ZNF732: variants seen among roughly 807,000 people sequenced by gnomAD.
ZNF732 encodes zinc finger protein 732.
ZNF732 carries 12 observed loss-of-function variants against 11.5 expected under a neutral mutation model. The ratio of observed to expected loss-of-function variants is 1.05; its 90% CI spans 0.67 to 1.70. The LOEUF (loss-of-function observed/expected upper bound fraction) is 1.70. Ranked by LOEUF, ZNF732 falls within the 40% of genes most tolerant of loss-of-function variation. The pLI, the probability that ZNF732 is intolerant of heterozygous loss-of-function variation, is 0.00. For missense variants in ZNF732, 702 were observed against 676.9 expected (o/e 1.04, Z -0.41); for synonymous variants, 231 against 236.5 (o/e 0.98, Z 0.21).
rs547227019 is a variant in ZNF732 at position 299,521 on chromosome 4, A to G, written c.4-3366T>C. ...TATATATACACACATATACGTATAT[A>G]TGTGTATATATACATATATACACAT... is the stretch of plus-strand genomic sequence containing the variant. On this transcript the variant is annotated intron_variant, in intron 1 of 3. Coordinates refer to ENST00000419098, the MANE Select transcript of ZNF732 (RefSeq NM_001137608.3). 1.4e-3 allele frequency among the ~76,000 whole-genome samples: 178 copies of G among 130,728 alleles called. 11 individuals are homozygous for G. The highest frequency in any genetic ancestry group is 4.4e-3 in the African/African-American group (148 of 33,402). The allele number at this position is 130,728 out of a possible 152,430, so 85.8% of individuals were successfully genotyped here.
chr4:295,402 T>G, intron 3 of ZNF732, 36 bp downstream of exon 3: 1 of 1,551,438 alleles, frequency 6.4e-7, no homozygotes, highest in Non-Finnish European at 8.8e-7. Flanking sequence ...CTTGGTCCCC[T>G]GGCCTGTGTC....
rs1229767960 is a variant in ZNF732, at chr4:292,749, T to TA, written c.226+2688dup. On this transcript the variant is annotated intron_variant, in intron 3 of 3. Coordinates refer to ENST00000419098, the MANE Select transcript of ZNF732 (RefSeq NM_001137608.3). ...GAGATGTAAATTGATAAAGTCATCA[T>TA]AAAAAACAATAAAAAGGCCGGGCGC... 3.4e-4 allele frequency among the ~76,000 whole-genome samples: 52 copies of TA among 150,898 alleles called. 1 individual carries two copies. Among genetic ancestry groups the TA allele is most frequent in the Non-Finnish European group, 3.0e-5 (2 of 67,776 alleles).
At chr4:298,987 C>G (rs1720021934) in intron 1 of ZNF732, among the ~76,000 whole-genome samples, 1 of 152,046 alleles carries the variant, frequency 6.6e-6, no homozygotes, top group Non-Finnish European at 1.5e-5. Context: ...TCAAAGAGCT[C>G]CACCTATGTT....
In ZNF732 at chr4:270,742, G is replaced by C; in HGVS notation, c.*357C>G. On this transcript the variant is annotated 3_prime_UTR_variant, in exon 4 of 4. Coordinates refer to ENST00000419098, the MANE Select transcript of ZNF732 (RefSeq NM_001137608.3). ...ATTTATGGGTGAGGACCGTTTATAG[G>C]CTTTCCCACATTCTTTACATTTGTA... 4 of 452,044 alleles carry C rather than the reference G, an allele frequency of 8.8e-6. 1 individual carries two copies. The highest frequency in any genetic ancestry group is 8.4e-5 in the South Asian group (4 of 47,456). The allele number at this position is 452,044 out of a possible 1,614,324, so 28.0% of individuals were successfully genotyped here. A position where few individuals can be genotyped will look rare whatever the true frequency, so the allele number is the denominator to read the frequency against.
chr4:304,114 G>A (rs1184409617), intron 1 of ZNF732, among the ~76,000 whole-genome samples: 2 of 152,110 alleles, frequency 1.3e-5, no homozygotes, highest in East Asian at 1.9e-4. Context: ...GTGTGTTATT[G>A]GCAGAATACC....
At chr4:273,522 G>A (rs1003389221) in intron 3 of ZNF732, among the ~76,000 whole-genome samples, 11 of 151,390 alleles carry the variant, frequency 7.3e-5, no homozygotes, top group African/African-American at 7.3e-5. Flanking sequence ...ATGGAAACAC[G>A]TACAACTAAA....
At chr4:299,693 AC>A (rs1241212403) in intron 1 of ZNF732, among the ~76,000 whole-genome samples, 1 of 139,502 alleles carries the variant, frequency 7.2e-6, no homozygotes, top group African/African-American at 2.6e-5. Context: ...AAATATATAT[AC>A]TTTTTTTTTT....
intron 1 of ZNF732, among the ~76,000 whole-genome samples, chr4:299,437 A>ATATATATACACATATATACACATGTG (rs1720046169): frequency 2.5e-4 from 3 of 11,914 alleles, no homozygotes; most frequent in Non-Finnish European, 4.1e-4. Context: ...ACATATGTGT[A>ATATATATACACATATATACACATGTG]TATATATATA....
chr4:299,274 A>T, intron 1 of ZNF732, among the ~76,000 whole-genome samples: 1 of 151,254 alleles, frequency 6.6e-6, no homozygotes, highest in Non-Finnish European at 1.5e-5. Flanking sequence ...ATTTGGGCCA[A>T]AACTTGAAGA....
At chr4:299,852 A>C in intron 1 of ZNF732, among the ~76,000 whole-genome samples, 1 of 142,488 alleles carries the variant, frequency 7.0e-6, no homozygotes, top group South Asian at 2.3e-4. Context: ...ATGCGCCACC[A>C]TGCCGGCTAA....
At chr4:281,937 CAT>C (rs1218736781) in intron 3 of ZNF732, among the ~76,000 whole-genome samples, 3 of 152,068 alleles carry the variant, frequency 2.0e-5, no homozygotes, top group Non-Finnish European at 4.4e-5. Flanking sequence ...CAAAAGTACA[CAT>C]ATTACTAAAT....
chr4:272,530 C>A lies in ZNF732; in HGVS notation c.327G>T (p.Glu109Asp), dbSNP rs782445076. Residue 109 changes from glutamate to aspartate, a missense_variant, in exon 4 of 4, where the codon GAG becomes GAT. This residue lies in a region of ZNF732 where 596 missense variants were observed against 557.9 expected (regional missense o/e 1.07). Transcript: ENST00000419098. ...TACAGCTTTTTCTTAATTCTAAATT[C>A]TCATGTCCACATTTCTCATATCTTC... ...ILRRYEKCGH[E>D]NLELRKSCKR... The A allele has an allele frequency of 1.2e-6, 2 of 1,603,328 alleles. No homozygotes were observed. The highest frequency in any genetic ancestry group is 1.3e-5 in the African/African-American group (1 of 74,434).
intron 3 of ZNF732, among the ~76,000 whole-genome samples, chr4:286,745 G>C (rs1412289652): frequency 6.6e-6 from 1 of 152,148 alleles, no homozygotes; most frequent in Non-Finnish European, 1.5e-5. Flanking sequence ...TTGTTATACA[G>C]GTAAACTTGT....
At chr4:283,367 C>T (rs1719655299) in intron 3 of ZNF732, among the ~76,000 whole-genome samples, 1 of 151,938 alleles carries the variant, frequency 6.6e-6, no homozygotes, top group Admixed American at 6.6e-5. Flanking sequence ...ACATGCTGCA[C>T]ACAAGCGACT....
Position 271,967 on chromosome 4 carries a change from T to C in ZNF732, c.890A>G (p.Lys297Arg). ...GAGTTTCTCTCCGGTATGAATTTTC[T>C]TATGTTTGGCAACATTTGAGGATGA... Reference protein sequence around the residue: ...ITSSSNVAKHKKIHTGEKLYK... With the variant: ...ITSSSNVAKHRKIHTGEKLYK... Residue 297 changes from lysine to arginine, a missense_variant, in exon 4 of 4, where the codon AAG (lysine) becomes AGG (arginine). This residue lies in a region of ZNF732 where 596 missense variants were observed against 557.9 expected (regional missense o/e 1.07). Coordinates refer to ENST00000419098, the MANE Select transcript of ZNF732 (RefSeq NM_001137608.3). The C allele has an allele frequency of 1.2e-6, 2 of 1,607,494 alleles. No individual in the cohort carries two copies. Among genetic ancestry groups the C allele is most frequent in the Non-Finnish European group, 1.7e-6 (2 of 1,176,588 alleles).
chr4:276,304 C>A (rs868943094), intron 3 of ZNF732, among the ~76,000 whole-genome samples: 1 of 151,728 alleles, frequency 6.6e-6, no homozygotes, highest in Non-Finnish European at 1.5e-5. Context: ...TATCACTGAT[C>A]CATATTTGAC....
intron 3 of ZNF732, among the ~76,000 whole-genome samples, chr4:293,097 A>G (rs1247783841): frequency 6.8e-6 from 1 of 147,348 alleles, no homozygotes; most frequent in East Asian, 2.0e-4. Context: ...AAAAACCAGT[A>G]AGAAATAAAA....
At chr4:294,604 G>A (rs1293271100) in intron 3 of ZNF732, among the ~76,000 whole-genome samples, 4 of 152,178 alleles carry the variant, frequency 2.6e-5, no homozygotes, top group African/African-American at 7.2e-5. Flanking sequence ...TTAATCCAGT[G>A]GGGGCCAAAA....
intron 3 of ZNF732, among the ~76,000 whole-genome samples, chr4:284,092 T>C (rs1403076470): frequency 6.6e-6 from 1 of 152,154 alleles, no homozygotes; most frequent in Admixed American, 6.5e-5. Flanking sequence ...TTTGTATTTT[T>C]AGTAGAGACA....
Sources: allele counts gnomAD v4.1 joint callset (sites outside exome capture counted in the v4.1 genomes callset), GRCh38; gene constraint gnomAD v4.1.1; regional missense constraint gnomAD v4.1.1; transcripts MANE v1.5; gene names NCBI Gene and HGNC (gene_info 2026-07-23, HGNC 2026-07-21).